Variants in GFPT2 observed in about 807,000 individuals in gnomAD.
GFPT2 encodes glutamine--fructose-6-phosphate aminotransferase [isomerizing] 2.
In GFPT2, 62 loss-of-function variants were observed where a neutral mutation model predicts 85.6. The ratio of observed to expected loss-of-function variants is 0.72; its 90% CI spans 0.59 to 0.90. GFPT2 has a LOEUF of 0.90. GFPT2 is among the 40% of genes least tolerant of loss of function. GFPT2 has a pLI of 0.00. For synonymous variants in GFPT2, 368 were observed against 344.5 expected (o/e 1.07, Z -0.75); for missense variants, 788 against 893.4 (o/e 0.88, Z 1.50).
chr5:180,336,648 CA>C (rs1764407291), intron 2 of GFPT2, 71 bp from the exon 3 acceptor site: 2 of 999,826 alleles, frequency 2.0e-6, no homozygotes, highest in East Asian at 4.7e-5. Flanking sequence ...AGGTGCTCCG[CA>C]GGGTCAGGGC....
intron 9 of GFPT2, among the ~76,000 whole-genome samples, chr5:180,321,589 T>C (rs1420878683): frequency 2.6e-5 from 4 of 152,230 alleles, no homozygotes; most frequent in African/African-American, 9.6e-5. Context: ...TCTCATACCG[T>C]GCCCCGCACA....
intron 1 of GFPT2, 87 bp from the exon 2 acceptor site, chr5:180,338,687 C>T (rs1380893908): frequency 9.1e-6 from 7 of 765,928 alleles, no homozygotes; most frequent in African/African-American, 1.7e-5. Flanking sequence ...ACCGAGGTGG[C>T]ATCACAAAGG....
At position 180,318,721 on chromosome 5, in the gene GFPT2, C is replaced by T; in HGVS notation, c.958+72G>A. The stretch of plus-strand genomic sequence containing the variant: ...GGCTGTGGCCTCTACTAGGACCAGG[C>T]AGAGTGTCAGGAGCTCCACCAGGCG... On this transcript the variant is annotated intron_variant, in intron 10 of 18. Coordinates refer to ENST00000253778, the MANE Select transcript of GFPT2 (RefSeq NM_005110.4). The surrounding 1 kb of genome is among the most constrained non-coding windows in gnomAD (Gnocchi z 4.2). The T allele has an allele frequency of 7.6e-7, 1 of 1,312,196 alleles. No homozygotes were observed. Among genetic ancestry groups the T allele is most frequent in the Non-Finnish European group, 1.1e-6 (1 of 927,890 alleles). The allele number at this position is 1,312,196 out of a possible 1,614,324, so 81.3% of individuals were successfully genotyped here. A position where few individuals can be genotyped will look rare whatever the true frequency, so the allele number is the denominator to read the frequency against.
rs1471983880 is a variant in GFPT2, at chr5:180,328,416, C to A, written c.535-78G>T. The A allele has an allele frequency of 8.9e-7, 1 of 1,118,636 alleles. No individual in the cohort carries two copies. Among genetic ancestry groups the A allele is most frequent in the Non-Finnish European group, 1.4e-6 (1 of 731,506 alleles). 69.3% of individuals were successfully genotyped at this position (1,118,636 alleles called of 1,614,324 possible). A position where few individuals can be genotyped will look rare whatever the true frequency, so the allele number is the denominator to read the frequency against. ...GCCTGGCCACAGCCCAGGTGCGTCT[C>A]CCTGGGCCCCTCCTGATGGCGGGAG... On this transcript the variant is annotated intron_variant, in intron 6 of 18. Transcript: ENST00000253778. This position sits in a 1 kb window ranked among gnomAD's most constrained non-coding sequence, Gnocchi z 5.4.
chr5:180,307,039 C>T, intron 16 of GFPT2, 137 bp downstream of exon 16: 3 of 659,246 alleles, frequency 4.6e-6, no homozygotes, highest in East Asian at 5.5e-5. Flanking sequence ...GTGCTCAGCG[C>T]AGGCTCACAG....
rs773086541 is a variant in GFPT2 at position 180,324,314 on chromosome 5, TG to T, written c.677-10del. 17 of 1,448,692 alleles carry T rather than the reference TG, an allele frequency of 1.2e-5. No individual in the cohort carries two copies. The highest frequency in any genetic ancestry group is 1.6e-5 in the Non-Finnish European group (17 of 1,039,662). 89.7% of individuals were successfully genotyped at this position (1,448,692 alleles called of 1,614,324 possible). ...CACATTCTCCAGAGTGCCTAGCAAATGGAGGAATGGGTTGCAAATCCCACTG... is the reference window on the plus strand; with the variant it reads ...CACATTCTCCAGAGTGCCTAGCAAATGAGGAATGGGTTGCAAATCCCACTG... On this transcript the variant is annotated splice_polypyrimidine_tract_variant and intron_variant, in intron 8 of 18. Transcript: ENST00000253778.
chr5:180,313,147 G>A (rs1030993666), intron 14 of GFPT2, among the ~76,000 whole-genome samples: 3 of 151,886 alleles, frequency 2.0e-5, no homozygotes, highest in Admixed American at 6.6e-5. Flanking sequence ...GGATGCTCCC[G>A]CCTCAGCCTC....
At position 180,318,626 on chromosome 5, in the gene GFPT2, C is replaced by T; in HGVS notation, c.958+167G>A. ...GCTTGGAGGTGCCAGGCCAGCCTCC[C>T]CACATCCCCTCACCTGTGCAAGCCA... On this transcript the variant is annotated intron_variant, in intron 10 of 18. Coordinates refer to ENST00000253778, the MANE Select transcript of GFPT2 (RefSeq NM_005110.4). This position sits in a 1 kb window ranked among gnomAD's most constrained non-coding sequence, Gnocchi z 4.2. 1.6e-6 allele frequency: 1 copy of T among 612,296 alleles called. No individual in the cohort carries two copies. Among genetic ancestry groups the T allele is most frequent in the Non-Finnish European group, 2.9e-6 (1 of 348,982 alleles). 37.9% of individuals were successfully genotyped at this position (612,296 alleles called of 1,614,324 possible).
intron 9 of GFPT2, among the ~76,000 whole-genome samples, chr5:180,321,131 T>C (rs1764112887): frequency 6.6e-6 from 1 of 152,242 alleles, no homozygotes; most frequent in Non-Finnish European, 1.5e-5. Flanking sequence ...TAACTTTGTA[T>C]GCTTTGTATA....
At chr5:180,303,195 A>C (rs986175352) in intron 17 of GFPT2, among the ~76,000 whole-genome samples, 7 of 149,162 alleles carry the variant, frequency 4.7e-5, no homozygotes, top group African/African-American at 7.4e-5. Flanking sequence ...GCGCCACTGC[A>C]CTCCAGCCTG....
rs536401665 is a variant in GFPT2, at chr5:180,338,947, C to T, written c.8-347G>A. Among the ~76,000 whole-genome samples the T allele has an allele frequency of 2.0e-5, 3 of 152,326 alleles. 1 individual carries two copies. The South Asian group carries it at 6.2e-4, about 32-fold the overall frequency. On this transcript the variant is annotated intron_variant, in intron 1 of 18. Transcript: ENST00000253778. ...TAGGACATCCGGAAGTCCCCACCTC[C>T]ATGCACTCCCTGATTTGCAGAGCAC...
At chr5:180,315,234 G>A (rs1028791795) in intron 13 of GFPT2, among the ~76,000 whole-genome samples, 1 of 151,096 alleles carries the variant, frequency 6.6e-6, no homozygotes, top group African/African-American at 2.4e-5. Context: ...CTGGAGTGCA[G>A]TGGCGCGATC....
At chr5:180,308,594 T>C (rs1763821102) in intron 15 of GFPT2, among the ~76,000 whole-genome samples, 1 of 152,252 alleles carries the variant, frequency 6.6e-6, no homozygotes, top group African/African-American at 2.4e-5. Context: ...TATTGTTCTT[T>C]GACACCACAG....
At chr5:180,343,485 C>A (rs1372738652) in intron 1 of GFPT2, among the ~76,000 whole-genome samples, 1 of 152,244 alleles carries the variant, frequency 6.6e-6, no homozygotes, top group Non-Finnish European at 1.5e-5. Flanking sequence ...GTGGTTTTCA[C>A]CATCTTGGCG....
intron 9 of GFPT2, among the ~76,000 whole-genome samples, chr5:180,322,077 A>G (rs1392840160): frequency 2.0e-5 from 3 of 152,128 alleles, no homozygotes; most frequent in Admixed American, 6.5e-5. Flanking sequence ...GTGAGCCACC[A>G]CGCCCGGCCT....
intron 1 of GFPT2, among the ~76,000 whole-genome samples, chr5:180,342,921 G>C (rs1186488041): frequency 6.6e-6 from 1 of 151,720 alleles, no homozygotes; most frequent in Admixed American, 6.6e-5. Context: ...AAAAAAGGAA[G>C]AAAGAAAGAA....
Position 180,316,367 on chromosome 5 carries a change from T to C in GFPT2, c.1247A>G (p.Asp416Gly). 6.2e-7 allele frequency: 1 copy of C among 1,614,124 alleles called. No individual in the cohort carries two copies. Among genetic ancestry groups the C allele is most frequent in the Non-Finnish European group, 8.5e-7 (1 of 1,179,956 alleles). ...TGACTGGCTGATGAAAAAGCAAACG[T>C]CATCCCTGAACACAGGTGTGTTCCT... ...LDRNTPVFRD[D>G]VCFFISQSGE... The change falls in exon 13 of 19, where the codon GAC becomes GGC. Residue 416 changes from aspartate to glycine, a missense_variant. Asp to Gly is a moderately conservative substitution (Grantham distance 94, BLOSUM62 -1). Transcript: ENST00000253778.
chr5:180,352,685 C>T (rs1176241572), intron 1 of GFPT2: 1 of 432,104 alleles, frequency 2.3e-6, no homozygotes, highest in South Asian at 1.6e-5. Context: ...CGCGCAGGCC[C>T]TGCCTGAGGC....
chr5:180,316,656 G>T, intron 12 of GFPT2, 108 bp downstream of exon 12: 1 of 942,540 alleles, frequency 1.1e-6, no homozygotes, highest in African/African-American at 1.6e-5. Context: ...ATGGGAATGG[G>T]TACAAGGGCT....
Sources: gnomAD v4.1 joint callset for allele counts (sites outside exome capture counted in the v4.1 genomes callset) on GRCh38, gnomAD v4.1.1 for gene constraint, Gnocchi (gnomAD v3.1) non-coding constraint, MANE v1.5 for transcripts, NCBI Gene and HGNC (gene_info 2026-07-23, HGNC 2026-07-21) for gene names.